UVRAG: variants seen among roughly 807,000 people sequenced by gnomAD.
The protein encoded by UVRAG is UV radiation resistance-associated gene protein.
In UVRAG, 19 loss-of-function variants were observed where a neutral mutation model predicts 78.0. The ratio of observed to expected loss-of-function variants is 0.24; its 90% CI spans 0.17 to 0.36. The LOEUF (loss-of-function observed/expected upper bound fraction) is 0.36, where lower values mean the gene tolerates loss of function less well. UVRAG is among the 10% of genes least tolerant of loss of function. The pLI is 1.00. For missense variants in UVRAG, 740 were observed against 853.8 expected (o/e 0.87, Z 1.66); for synonymous variants, 323 against 324.6 (o/e 1.00, Z 0.05).
intron 1 of UVRAG, among the ~76,000 whole-genome samples, chr11:75,825,645 C>A (rs1297174770): frequency 6.6e-6 from 1 of 152,072 alleles, no homozygotes; most frequent in Non-Finnish European, 1.5e-5. Context: ...AAACCTGAAG[C>A]CCTCTGAGGT....
intron 13 of UVRAG, among the ~76,000 whole-genome samples, chr11:76,109,860 C>T (rs965471275): frequency 8.5e-5 from 13 of 152,116 alleles, no homozygotes; most frequent in African/African-American, 3.1e-4. Context: ...AAGGAGTTTG[C>T]GTGACCATAC....
intron 13 of UVRAG, among the ~76,000 whole-genome samples, chr11:76,089,908 C>A (rs1951663397): frequency 6.6e-6 from 1 of 152,118 alleles, no homozygotes; most frequent in African/African-American, 2.4e-5. Flanking sequence ...ACTGAACATA[C>A]CCCGTTTTGG....
chr11:76,047,640 T>C (rs574912065), intron 12 of UVRAG, among the ~76,000 whole-genome samples: 16 of 152,348 alleles, frequency 1.1e-4, no homozygotes, highest in African/African-American at 3.8e-4. Context: ...CCTAACCTCA[T>C]AGGCTACTAG....
chr11:75,986,373 G>GT lies in UVRAG; in HGVS notation c.826+2868dup, dbSNP rs1166796467. Among the ~76,000 whole-genome samples, 4 of 151,570 alleles carry GT rather than the reference G, an allele frequency of 2.6e-5. No homozygotes were observed. The East Asian group carries it at 5.8e-4, about 22-fold the overall frequency. On this transcript the variant is annotated intron_variant, in intron 8 of 14. Transcript: ENST00000356136. ...TGGTATATAGATGTACAATTAATTA[G>GT]TTTTTTTTAAGTGGTATTAGTATTT...
intron 4 of UVRAG, among the ~76,000 whole-genome samples, chr11:75,881,942 A>G (rs1946954434): frequency 1.3e-5 from 2 of 152,182 alleles, no homozygotes. Context: ...TAAGATTTAA[A>G]TTCAGGCCTG....
chr11:76,117,356 G>A (rs1035101998), intron 14 of UVRAG, among the ~76,000 whole-genome samples: 1 of 152,320 alleles, frequency 6.6e-6, no homozygotes, highest in African/African-American at 2.4e-5. Context: ...TGAAGTGTCT[G>A]TCTTTTCTCC....
At chr11:75,892,510 A>C in intron 5 of UVRAG, 1 of 679,534 alleles carries the variant, frequency 1.5e-6, no homozygotes. Context: ...TTGGCCTTTC[A>C]TAGAAGAGGA....
rs1055160270 is a variant in UVRAG at position 76,089,542 on chromosome 11, G to A, written c.1305+23754G>A. Reference sequence around the variant, plus strand: ...TTGAAGAATTGAAAATGGAAGGAAGGGGGTATGTGAATTTAGATAACTCAA... The same window carrying A: ...TTGAAGAATTGAAAATGGAAGGAAGAGGGTATGTGAATTTAGATAACTCAA... On this transcript the variant is annotated intron_variant, in intron 13 of 14. Coordinates refer to ENST00000356136, the MANE Select transcript of UVRAG (RefSeq NM_003369.4). 3.9e-5 allele frequency among the ~76,000 whole-genome samples: 6 copies of A among 152,268 alleles called. No homozygotes were observed. In the South Asian group the frequency reaches 1.2e-3, roughly 32 times the overall value.
At chr11:76,021,340 C>A (rs1159111379) in intron 12 of UVRAG, among the ~76,000 whole-genome samples, 2 of 152,164 alleles carry the variant, frequency 1.3e-5, no homozygotes, top group African/African-American at 4.8e-5. Context: ...TTCTTATAAT[C>A]CTTTTCATTT....
At chr11:75,969,014 C>T (rs1038216704) in intron 7 of UVRAG, among the ~76,000 whole-genome samples, 1 of 152,028 alleles carries the variant, frequency 6.6e-6, no homozygotes, top group Non-Finnish European at 1.5e-5. Context: ...GATTTATGAT[C>T]TCATTTCATT....
intron 6 of UVRAG, among the ~76,000 whole-genome samples, chr11:75,945,686 C>T (rs568600686): frequency 6.6e-6 from 1 of 152,172 alleles, no homozygotes; most frequent in South Asian, 2.1e-4. Context: ...CATAATCTGA[C>T]CTCTGCCTGC....
intron 5 of UVRAG, among the ~76,000 whole-genome samples, chr11:75,895,520 G>A (rs1947323303): frequency 6.6e-6 from 1 of 151,978 alleles, no homozygotes; most frequent in Admixed American, 6.6e-5. Flanking sequence ...ATAAATACTG[G>A]ATTTTAATCC....
intron 14 of UVRAG, among the ~76,000 whole-genome samples, chr11:76,125,587 ACCCTCCACT>A (rs1473696412): frequency 6.6e-6 from 1 of 151,894 alleles, no homozygotes; most frequent in African/African-American, 2.4e-5. Context: ...TTGTGCACTA[ACCCTCCACT>A]GGTGACAGAA....
At chr11:76,076,703 T>C (rs530053185) in intron 13 of UVRAG, among the ~76,000 whole-genome samples, 16 of 152,348 alleles carry the variant, frequency 1.1e-4, no homozygotes, top group Admixed American at 8.5e-4. Flanking sequence ...TGGCTAATGA[T>C]GTTGAGTGTC....
intron 6 of UVRAG, among the ~76,000 whole-genome samples, chr11:75,920,742 C>T (rs1947963430): frequency 6.6e-6 from 1 of 152,030 alleles, no homozygotes; most frequent in African/African-American, 2.4e-5. Flanking sequence ...TTTATAGATA[C>T]ATTTATATAT....
chr11:75,881,237 G>A (rs1364937429), intron 4 of UVRAG, among the ~76,000 whole-genome samples: 3 of 152,100 alleles, frequency 2.0e-5, no homozygotes, highest in Non-Finnish European at 4.4e-5. Flanking sequence ...CTGTCACACC[G>A]CCCCAGAAAG....
chr11:75,828,339 G>A (rs1945562021), intron 1 of UVRAG, among the ~76,000 whole-genome samples: 1 of 151,588 alleles, frequency 6.6e-6, no homozygotes, highest in South Asian at 2.1e-4. Context: ...TGGGTGCCGT[G>A]CTATGCACCT....
At chr11:75,939,583 A>G (rs1377051888) in intron 6 of UVRAG, among the ~76,000 whole-genome samples, 1 of 152,120 alleles carries the variant, frequency 6.6e-6, no homozygotes. Flanking sequence ...ACATACACAC[A>G]CACATACACA....
intron 8 of UVRAG, among the ~76,000 whole-genome samples, chr11:75,998,343 C>T (rs904640820): frequency 6.6e-6 from 1 of 152,130 alleles, no homozygotes; most frequent in Non-Finnish European, 1.5e-5. Context: ...TTGAGGAAAA[C>T]AGCATGAATG....
Sources: gnomAD v4.1 joint callset for allele counts (sites outside exome capture counted in the v4.1 genomes callset) on GRCh38, gnomAD v4.1.1 for gene constraint, MANE v1.5 for transcripts, NCBI Gene and HGNC (gene_info 2026-07-23, HGNC 2026-07-21) for gene names.